RBFOX1: variants seen among roughly 807,000 people sequenced by gnomAD.
RBFOX1 encodes the protein RNA binding protein fox-1 homolog 1.
In RBFOX1, 8 loss-of-function variants were observed where a neutral mutation model predicts 57.7. The ratio of observed to expected loss-of-function variants is 0.14; its 90% CI spans 0.08 to 0.25. RBFOX1 has a LOEUF of 0.25. Among genes scored for constraint, RBFOX1 ranks in the 10% least tolerant of loss-of-function variants. The probability of loss-of-function intolerance (pLI) is 1.00; values close to 1 mark genes in which losing one functional copy is unlikely to be tolerated. For synonymous variants in RBFOX1, 326 were observed against 222.4 expected (o/e 1.47, Z -4.15); for missense variants, 611 against 548.5 (o/e 1.11, Z -1.14).
At chr16:7,490,120 A>C (rs2066536502) in intron 4 of RBFOX1, among the ~76,000 whole-genome samples, 1 of 152,190 alleles carries the variant, frequency 6.6e-6, no homozygotes, top group Non-Finnish European at 1.5e-5. Flanking sequence ...TTCTGAATGG[A>C]GGAGGCTGCA....
intron 1 of RBFOX1, among the ~76,000 whole-genome samples, chr16:6,191,856 C>G (rs1309873900): frequency 6.6e-6 from 1 of 152,108 alleles, no homozygotes; most frequent in Admixed American, 6.5e-5. Context: ...GATTTCCTAA[C>G]AGAAACCTCG....
chr16:5,858,433 A>C (rs2057125801), intron 3 of RBFOX1, among the ~76,000 whole-genome samples: 2 of 152,158 alleles, frequency 1.3e-5, no homozygotes, highest in Admixed American at 1.3e-4. Context: ...TAATAGACCA[A>C]CTTCAAGGGC....
At chr16:7,580,437 C>G (rs79675141) in intron 6 of RBFOX1, among the ~76,000 whole-genome samples, 1 of 152,106 alleles carries the variant, frequency 6.6e-6, no homozygotes, top group South Asian at 2.1e-4. Flanking sequence ...GCAAACAAAA[C>G]AAAACCACCA....
At chr16:5,820,812 T>A (rs921030614) in intron 3 of RBFOX1, among the ~76,000 whole-genome samples, 1 of 152,168 alleles carries the variant, frequency 6.6e-6, no homozygotes, top group Non-Finnish European at 1.5e-5. Context: ...CCAGTCTAGA[T>A]CCAGCCCTCT....
At chr16:5,786,932 T>G (rs909850407) in intron 3 of RBFOX1, among the ~76,000 whole-genome samples, 1 of 152,056 alleles carries the variant, frequency 6.6e-6, no homozygotes, top group African/African-American at 2.4e-5. Flanking sequence ...GGTCAGGAGA[T>G]CGAGACCAGC....
intron 4 of RBFOX1, among the ~76,000 whole-genome samples, chr16:7,312,250 C>T (rs116530732): frequency 0.01 from 1,554 of 152,204 alleles, 21 homozygotes; most frequent in African/African-American, 0.035. Context: ...CGTGGTGGAG[C>T]ACACTTGTAA....
chr16:5,776,018 C>A (rs1189254100), intron 3 of RBFOX1, among the ~76,000 whole-genome samples: 2 of 151,492 alleles, frequency 1.3e-5, no homozygotes, highest in Non-Finnish European at 2.9e-5. Context: ...GGGCAAAGAG[C>A]TCTTCAAGAG....
At chr16:5,330,664 C>T (rs370086771) in intron 1 of RBFOX1, among the ~76,000 whole-genome samples, 5 of 151,836 alleles carry the variant, frequency 3.3e-5, no homozygotes, top group African/African-American at 1.2e-4. Context: ...ATCTGCCTCC[C>T]AAAGTGCTGG....
At chr16:5,432,174 G>A (rs2067758376) in intron 1 of RBFOX1, among the ~76,000 whole-genome samples, 1 of 152,170 alleles carries the variant, frequency 6.6e-6, no homozygotes, top group African/African-American at 2.4e-5. Context: ...GCACAGCGAG[G>A]TGTGGACATC....
At chr16:6,228,832 TA>T (rs1332401389) in intron 1 of RBFOX1, among the ~76,000 whole-genome samples, 1 of 152,160 alleles carries the variant, frequency 6.6e-6, no homozygotes, top group Non-Finnish European at 1.5e-5. Context: ...GGACGTGAAA[TA>T]ATGTATATAT....
intron 2 of RBFOX1, among the ~76,000 whole-genome samples, chr16:6,337,891 C>A (rs891492146): frequency 1.8e-4 from 27 of 152,258 alleles, no homozygotes; most frequent in African/African-American, 5.5e-4. Flanking sequence ...ACAAACTGGT[C>A]AATATCAGGA....
intron 3 of RBFOX1, among the ~76,000 whole-genome samples, chr16:6,918,735 G>A (rs1222120859): frequency 6.6e-6 from 1 of 152,138 alleles, no homozygotes; most frequent in Non-Finnish European, 1.5e-5. Context: ...CAGACAACAT[G>A]AAGCGGCAGT....
chr16:7,700,765 G>C (rs562805784), intron 14 of RBFOX1, among the ~76,000 whole-genome samples: 4 of 152,124 alleles, frequency 2.6e-5, no homozygotes, highest in South Asian at 4.1e-4. Context: ...TCTCTACTCC[G>C]AGAGTGGCTG....
chr16:5,421,005 C>CT (rs2067309081), intron 1 of RBFOX1, among the ~76,000 whole-genome samples: 1 of 145,340 alleles, frequency 6.9e-6, no homozygotes, highest in African/African-American at 2.6e-5. Flanking sequence ...CCTCCTCCTC[C>CT]TCCTTCCTTC....
intron 4 of RBFOX1, among the ~76,000 whole-genome samples, chr16:7,113,083 A>G (rs1025441700): frequency 1.3e-5 from 2 of 152,174 alleles, no homozygotes; most frequent in African/African-American, 2.4e-5. Context: ...AATTTTTCCT[A>G]TTGCTTCAGG....
At chr16:6,318,796 A>G (rs1002459825) in intron 2 of RBFOX1, among the ~76,000 whole-genome samples, 1 of 152,094 alleles carries the variant, frequency 6.6e-6, no homozygotes, top group African/African-American at 2.4e-5. Context: ...TAAACCAGTG[A>G]GCAGATATAA....
intron 2 of RBFOX1, among the ~76,000 whole-genome samples, chr16:6,531,305 C>G (rs1010711310): frequency 6.6e-6 from 1 of 152,172 alleles, no homozygotes; most frequent in African/African-American, 2.4e-5. Context: ...GTTGCAGGAG[C>G]CTCTGGTATT....
intron 3 of RBFOX1, among the ~76,000 whole-genome samples, chr16:6,831,717 T>A (rs1304417371): frequency 6.6e-6 from 1 of 152,188 alleles, no homozygotes. Flanking sequence ...CCTTCCTCCA[T>A]CTCTTGGGTT....
chr16:6,398,179 G>C (rs1417810892), intron 2 of RBFOX1, among the ~76,000 whole-genome samples: 1 of 152,126 alleles, frequency 6.6e-6, no homozygotes, highest in Non-Finnish European at 1.5e-5. Context: ...ACCATCATGA[G>C]AACAGCATCA....
Sources: gnomAD v4.1 joint callset for allele counts (sites outside exome capture counted in the v4.1 genomes callset) on GRCh38, gnomAD v4.1.1 for gene constraint, MANE v1.5 for transcripts, NCBI Gene and HGNC (gene_info 2026-07-23, HGNC 2026-07-21) for gene names.